POLK: variants seen among roughly 807,000 people sequenced by gnomAD.
POLK encodes DNA polymerase kappa.
Under a neutral mutation model 94.0 loss-of-function variants are expected in POLK, and 76 were observed. The ratio of observed to expected loss-of-function variants is 0.81; its 90% CI spans 0.67 to 0.98. POLK has a LOEUF of 0.98. Ranked by LOEUF, POLK falls within the 50% of genes least tolerant of loss-of-function variation. POLK has a pLI of 0.00. For missense variants in POLK, 954 were observed against 1,010.1 expected, an observed-to-expected ratio of 0.94 and a Z score of 0.75; for synonymous variants, 349 against 325.4, an observed-to-expected ratio of 1.07 and a Z score of -0.78.
At chr5:75,541,468 A>G (rs1455028344) in intron 1 of POLK, among the ~76,000 whole-genome samples, 1 of 152,204 alleles carries the variant, frequency 6.6e-6, no homozygotes, top group African/African-American at 2.4e-5. Flanking sequence ...GATGAAGTAG[A>G]GTATAGATTT....
chr5:75,518,813 G>A (rs1352163606), intron 1 of POLK, among the ~76,000 whole-genome samples: 1 of 152,070 alleles, frequency 6.6e-6, no homozygotes, highest in East Asian at 1.9e-4. Flanking sequence ...GGTATTTTGT[G>A]TTTCCATTGT....
At chr5:75,524,111 C>A (rs1173292380) in intron 1 of POLK, among the ~76,000 whole-genome samples, 1 of 149,378 alleles carries the variant, frequency 6.7e-6, no homozygotes, top group Non-Finnish European at 1.5e-5. Context: ...GCCTGGGTGA[C>A]GAGTGAGACT....
intron 1 of POLK, among the ~76,000 whole-genome samples, chr5:75,545,822 G>T (rs1014804314): frequency 6.6e-6 from 1 of 152,014 alleles, no homozygotes; most frequent in South Asian, 2.1e-4. Context: ...CTCATGCCTG[G>T]GTTCCAACAC....
upstream of POLK, chr5:75,511,318 G>A (rs1396016317): frequency 1.9e-6 from 3 of 1,548,792 alleles, no homozygotes; most frequent in African/African-American, 2.7e-5. Flanking sequence ...AAGAGTGCCC[G>A]CTCCGGTGTG....
intron 2 of POLK, among the ~76,000 whole-genome samples, chr5:75,548,161 A>G (rs777305523): frequency 1.3e-5 from 2 of 152,142 alleles, no homozygotes; most frequent in Non-Finnish European, 2.9e-5. Flanking sequence ...GCCTCAAGCA[A>G]TCCCTCTACC....
intron 3 of POLK, among the ~76,000 whole-genome samples, chr5:75,558,157 T>C (rs1285845619): frequency 6.6e-6 from 1 of 152,178 alleles, no homozygotes; most frequent in Admixed American, 6.5e-5. Context: ...TTGACTTTTG[T>C]ATATTAACCT....
intron 1 of POLK, among the ~76,000 whole-genome samples, chr5:75,540,730 C>T (rs775230473): frequency 1.3e-5 from 2 of 152,130 alleles, no homozygotes; most frequent in Non-Finnish European, 2.9e-5. Context: ...AAGACCTGTG[C>T]ATTTTACTGA....
chr5:75,528,924 C>T lies in POLK; in HGVS notation c.-14+17010C>T, dbSNP rs1184608338. Reference sequence around the variant, plus strand: ...CCTTGGTATCCATGGGGGATTGGCTCCCAGACCTCCCACAGACACCAAAAT... The same window carrying T: ...CCTTGGTATCCATGGGGGATTGGCTTCCAGACCTCCCACAGACACCAAAAT... On this transcript the variant is annotated intron_variant, in intron 1 of 14. Coordinates refer to ENST00000241436, the Ensembl canonical transcript of POLK. Among the ~76,000 whole-genome samples the T allele has an allele frequency of 2.0e-5, 3 of 152,124 alleles. No individual in the cohort carries two copies. In the East Asian group the frequency reaches 5.8e-4, roughly 29 times the overall value.
chr5:75,522,715 T>G (rs1220898929), intron 1 of POLK, among the ~76,000 whole-genome samples: 1 of 152,108 alleles, frequency 6.6e-6, no homozygotes, highest in East Asian at 1.9e-4. Flanking sequence ...TGAGTAATGA[T>G]TAAATAAACC....
intron 3 of POLK, 106 bp downstream of exon 3, chr5:75,552,697 A>G (rs1226748171): frequency 8.8e-7 from 1 of 1,131,176 alleles, no homozygotes; most frequent in Non-Finnish European, 1.3e-6. Flanking sequence ...GTAAATGTTC[A>G]TTATATTGTA....
At chr5:75,589,099 T>C (rs1772616629) in intron 10 of POLK, among the ~76,000 whole-genome samples, 1 of 152,142 alleles carries the variant, frequency 6.6e-6, no homozygotes, top group Non-Finnish European at 1.5e-5. Flanking sequence ...ATTCCACAGA[T>C]TTAGTCACAT....
At chr5:75,561,890 T>A (rs1771002825) in intron 3 of POLK, among the ~76,000 whole-genome samples, 1 of 152,260 alleles carries the variant, frequency 6.6e-6, no homozygotes, top group African/African-American at 2.4e-5. Context: ...ACCAGTACCA[T>A]GCTGTTTTGG....
At chr5:75,598,314 T>G (rs1773195660) in exon 15 of POLK, 1 of 165,790 alleles carries the variant, frequency 6.0e-6, no homozygotes, top group Non-Finnish European at 1.3e-5. Context: ...ATTTTTATAC[T>G]GAATATAAAA....
At chr5:75,595,473 G>C (rs5744710) in intron 12 of POLK, among the ~76,000 whole-genome samples, 1 of 152,042 alleles carries the variant, frequency 6.6e-6, no homozygotes, top group African/African-American at 2.4e-5. Flanking sequence ...TTAAGTAAAA[G>C]AAGCCAGTCT....
chr5:75,596,276 G>A (rs1479223156), exon 13 of POLK: 7 of 1,613,044 alleles, frequency 4.3e-6, no homozygotes, highest in South Asian at 1.1e-5. Flanking sequence ...CAACAAAGGA[G>A]CATTATTGGC....
intron 12 of POLK, 108 bp downstream of exon 12, chr5:75,594,157 G>A (rs1305420892): frequency 1.4e-6 from 1 of 706,990 alleles, no homozygotes; most frequent in Non-Finnish European, 2.4e-6. Context: ...TCAACTTAAT[G>A]ATTTTTCAAC....
chr5:75,535,363 C>G (rs1230223585), intron 1 of POLK, among the ~76,000 whole-genome samples: 2 of 152,152 alleles, frequency 1.3e-5, no homozygotes, highest in African/African-American at 4.8e-5. Context: ...GGTGCCCTCC[C>G]TCTTCTTTCT....
At chr5:75,596,007 C>T (rs929565057) in intron 12 of POLK, among the ~76,000 whole-genome samples, 3 of 152,218 alleles carry the variant, frequency 2.0e-5, no homozygotes, top group Admixed American at 1.3e-4. Context: ...TAAAATCCTA[C>T]ATCATTATAC....
chr5:75,567,971 G>A (rs1224894294), intron 3 of POLK, among the ~76,000 whole-genome samples: 4 of 152,302 alleles, frequency 2.6e-5, no homozygotes, highest in East Asian at 1.9e-4. Flanking sequence ...TTTAACCTGC[G>A]ACTAGTGGGC....
Sources: gnomAD v4.1 joint callset for allele counts (sites outside exome capture counted in the v4.1 genomes callset) on GRCh38, gnomAD v4.1.1 for gene constraint, MANE v1.5 for transcripts, NCBI Gene and HGNC (gene_info 2026-07-23, HGNC 2026-07-21) for gene names.